PMS2: variants seen among roughly 807,000 people sequenced by gnomAD.
PMS2 encodes PMS1 homolog 2, mismatch repair system component.
In PMS2, 69 loss-of-function variants were observed where a neutral mutation model predicts 90.0. The ratio of observed to expected loss-of-function variants is 0.77; its 90% CI spans 0.63 to 0.94. The LOEUF (loss-of-function observed/expected upper bound fraction) is 0.94. PMS2 is among the 40% of genes least tolerant of loss of function. The pLI, the probability that PMS2 is intolerant of heterozygous loss-of-function variation, is 0.00. For missense variants in PMS2, 966 were observed against 1,040.2 expected, an observed-to-expected ratio of 0.93 and a Z score of 0.98; for synonymous variants, 332 against 375.1, an observed-to-expected ratio of 0.89 and a Z score of 1.33.
intron 8 of PMS2, 120 bp downstream of exon 8, chr7:5,995,414 T>C (rs1160013701): frequency 1.1e-5 from 8 of 714,464 alleles, no homozygotes; most frequent in Admixed American, 8.3e-5. Flanking sequence ...AATAAGATAA[T>C]GTTAAAGCCA....
chr7:6,007,628 T>C lies in PMS2; in HGVS notation c.23+1369A>G, dbSNP rs970021339. Among the ~76,000 whole-genome samples the C allele has an allele frequency of 6.6e-6, 1 of 152,128 alleles. No homozygotes were observed. The highest frequency in any genetic ancestry group is 2.4e-5 in the African/African-American group (1 of 41,438). ...GTTAAGAGAAGGCAGGAAACCTCCATGAAAGAGAAATCACTGGGTATTTCC... is the reference window on the plus strand; with the variant it reads ...GTTAAGAGAAGGCAGGAAACCTCCACGAAAGAGAAATCACTGGGTATTTCC... On this transcript the variant is annotated intron_variant, in intron 1 of 14. Coordinates refer to ENST00000265849, the MANE Select transcript of PMS2 (RefSeq NM_000535.7).
At chr7:5,997,568 A>G in intron 6 of PMS2, 145 bp from the exon 7 acceptor site, 2 of 646,076 alleles carry the variant, frequency 3.1e-6, no homozygotes, top group Non-Finnish European at 5.5e-6. Flanking sequence ...TTTTTGAGAC[A>G]GGGTCTCCCT....
chr7:6,006,517 G>C (rs1785787284), intron 1 of PMS2, among the ~76,000 whole-genome samples: 2 of 152,054 alleles, frequency 1.3e-5, no homozygotes, highest in Non-Finnish European at 2.9e-5. Flanking sequence ...GCCAGGCATG[G>C]TGGTGGGCAC....
At chr7:5,986,152 C>T (rs1230005857) in intron 11 of PMS2, among the ~76,000 whole-genome samples, 1 of 146,114 alleles carries the variant, frequency 6.8e-6, no homozygotes, top group Non-Finnish European at 1.5e-5. Flanking sequence ...AGACCCAAGT[C>T]TTCCATGTGT....
At chr7:5,988,111 C>A (rs1288843098) in intron 10 of PMS2, among the ~76,000 whole-genome samples, 1 of 146,870 alleles carries the variant, frequency 6.8e-6, no homozygotes, top group Non-Finnish European at 1.5e-5. Flanking sequence ...CATATACTCA[C>A]CAGAATGGTA....
Position 6,002,485 on chromosome 7 carries a change from G to A in PMS2, c.505C>T (p.Arg169Cys), listed in dbSNP as rs730881916. 7 of 1,611,148 alleles carry A rather than the reference G, an allele frequency of 4.3e-6. No individual in the cohort carries two copies. Among genetic ancestry groups the A allele is most frequent in the Admixed American group, 1.7e-5 (1 of 60,002 alleles). The stretch of plus-strand genomic sequence containing the variant: ...ATATTCCTTTGAAATTCCTTATGGC[G>A]CACAGGTAGTGTGGAAAATAACTGC... The part of the protein sequence containing the change: ...VQQLFSTLPV[R>C]HKEFQRNIKK... Residue 169 changes from arginine (R) to cysteine (C), a missense_variant, in exon 5 of 15, where the codon CGC becomes TGC. Physicochemically the swap from Arg to Cys is radical, Grantham distance 180. This residue lies in a region of PMS2 where 871 missense variants were observed against 802.4 expected (regional missense o/e 1.09). Coordinates refer to ENST00000265849, the MANE Select transcript of PMS2 (RefSeq NM_000535.7).
intron 5 of PMS2, among the ~76,000 whole-genome samples, chr7:5,999,619 T>C (rs1784873537): frequency 6.6e-6 from 1 of 150,676 alleles, no homozygotes; most frequent in African/African-American, 2.4e-5. Context: ...AGCAAGACCC[T>C]GTCTCTACAA....
intron 2 of PMS2, among the ~76,000 whole-genome samples, chr7:6,004,795 A>T (rs1785527155): frequency 6.6e-6 from 1 of 152,176 alleles, no homozygotes; most frequent in Non-Finnish European, 1.5e-5. Context: ...ATCTCAAAAA[A>T]AGGAAATTTC....
chr7:5,978,836 G>C (rs1782009715), intron 12 of PMS2, 140 bp from the exon 13 acceptor site: 1 of 1,113,806 alleles, frequency 9.0e-7, no homozygotes, highest in Admixed American at 2.4e-5. Flanking sequence ...ACTCAGCTAA[G>C]TGTCACAAAA....
rs2128756503 is a variant in PMS2 at position 5,992,064 on chromosome 7, A to G, written c.904-7T>C. The G allele has an allele frequency of 6.9e-7, 1 of 1,454,258 alleles. No homozygotes were observed. Among genetic ancestry groups the G allele is most frequent in the Non-Finnish European group, 9.7e-7 (1 of 1,034,350 alleles). The allele number at this position is 1,454,258 out of a possible 1,614,324, so 90.1% of individuals were successfully genotyped here. A position where few individuals can be genotyped will look rare whatever the true frequency, so the allele number is the denominator to read the frequency against. Reference sequence around the variant, plus strand: ...CATTCACGAGTCTGCAGACCTGCACAAAATACAAGGAGTAGAAAAGAATAA... The same window carrying G: ...CATTCACGAGTCTGCAGACCTGCACGAAATACAAGGAGTAGAAAAGAATAA... On this transcript the variant is annotated splice_polypyrimidine_tract_variant and splice_region_variant and intron_variant, in intron 8 of 14. Coordinates refer to ENST00000265849, the MANE Select transcript of PMS2 (RefSeq NM_000535.7).
In PMS2 at chr7:5,987,171, G is replaced by C. The variant is rs1783037687; in HGVS notation, c.1594C>G (p.His532Asp). ...SSPGDRGSQE[H>D]VDSQEKAPKT... ...GGCGCTTTCTCCTGAGAGTCCACAT[G>C]TTCCTGCGAGCCCCTGTCCCCTGGG... is the stretch of plus-strand genomic sequence containing the variant. The change falls in exon 11 of 15, where the codon CAT (histidine) becomes GAT (aspartate). Residue 532 changes from histidine (H) to aspartate (D), a missense_variant. His to Asp is a moderately conservative substitution (Grantham distance 81, BLOSUM62 -1). Around this residue, in one of 2 missense-constraint regions of PMS2, gnomAD observed 871 missense variants for 802.4 expected, o/e 1.09. Coordinates refer to ENST00000265849, the MANE Select transcript of PMS2 (RefSeq NM_000535.7). 1 of 1,613,902 alleles carries C rather than the reference G, an allele frequency of 6.2e-7. No homozygotes were observed. Among genetic ancestry groups the C allele is most frequent in the Non-Finnish European group, 8.5e-7 (1 of 1,179,916 alleles).
At chr7:6,005,596 C>G (rs758914698) in intron 2 of PMS2, among the ~76,000 whole-genome samples, 5 of 152,184 alleles carry the variant, frequency 3.3e-5, no homozygotes, top group African/African-American at 1.2e-4. Context: ...CTCGGCCTCT[C>G]AAAGGGCTAG....
rs10543125 is a variant in PMS2, at chr7:5,988,052, CAAAAA to C, written c.1145-437_1145-433del. On this transcript the variant is annotated intron_variant, in intron 10 of 14. Coordinates refer to ENST00000265849, the MANE Select transcript of PMS2 (RefSeq NM_000535.7). ...TGGGTGACAGAGCAACACTCTGTCT[CAAAAA>C]AAAAAAAAAAAAAAAAAAAAACCAC... Among the ~76,000 whole-genome samples, 130 of 41,118 alleles carry C rather than the reference CAAAAA, an allele frequency of 3.2e-3. 1 individual carries two copies. Among genetic ancestry groups the C allele is most frequent in the Admixed American group, 7.4e-4 (2 of 2,720 alleles). 27.0% of individuals were successfully genotyped at this position (41,118 alleles called of 152,430 possible).
chr7:6,007,995 G>A (rs955516253), intron 1 of PMS2, among the ~76,000 whole-genome samples: 1 of 151,834 alleles, frequency 6.6e-6, no homozygotes, highest in African/African-American at 2.4e-5. Context: ...AAGTAGCTAG[G>A]ATTACAGGCT....
intron 5 of PMS2, 26 bp from the exon 6 acceptor site, chr7:5,999,301 T>C (rs549598245): frequency 1.9e-6 from 3 of 1,595,268 alleles, no homozygotes; most frequent in East Asian, 4.5e-5. Context: ...AAACACAATA[T>C]TCTACATTAC....
intron 4 of PMS2, among the ~76,000 whole-genome samples, chr7:6,003,098 A>T (rs1785286438): frequency 6.6e-6 from 1 of 152,066 alleles, no homozygotes; most frequent in South Asian, 2.1e-4. Flanking sequence ...GTTTGAGACC[A>T]GCCTAGGCAA....
chr7:5,992,402 C>T (rs1583347537), intron 8 of PMS2, among the ~76,000 whole-genome samples: 1 of 151,880 alleles, frequency 6.6e-6, no homozygotes, highest in Non-Finnish European at 1.5e-5. Flanking sequence ...TCACTGCAAC[C>T]TCTGCCTCCG....
In PMS2 at chr7:5,987,054, G is replaced by C. The variant is rs63750055; in HGVS notation, c.1711C>G (p.Leu571Val). 1 of 1,614,158 alleles carries C rather than the reference G, an allele frequency of 6.2e-7. No homozygotes were observed. Among genetic ancestry groups the C allele is most frequent in the East Asian group, 2.2e-5 (1 of 44,882 alleles). Reference sequence around the variant, plus strand: ...AAACGCTTTGTGTTTGGGGTTGCGAGATTAGTTGGCTGAGGCAAAACTCGA... The same window carrying C: ...AAACGCTTTGTGTTTGGGGTTGCGACATTAGTTGGCTGAGGCAAAACTCGA... ...KFRVLPQPTNLATPNTKRFKK... is the reference protein window; with the variant it reads ...KFRVLPQPTNVATPNTKRFKK... The change falls in exon 11 of 15, where the codon CTC becomes GTC. Residue 571 changes from leucine to valine, a missense_variant. Leu to Val is a conservative substitution (Grantham distance 32). Coordinates refer to ENST00000265849, the MANE Select transcript of PMS2 (RefSeq NM_000535.7).
rs777845808 is a variant in PMS2, at chr7:6,006,009, T to C, written c.46A>G (p.Lys16Glu). The stretch of plus-strand genomic sequence containing the variant: ...TGGACTGACTTCCGATCAATAGGTT[T>C]GATGGCCTTAGCAGGTTCTGTACTA... ...SSSTEPAKAI[K>E]PIDRKSVHQI... The change falls in exon 2 of 15, where the codon AAA (lysine) becomes GAA (glutamate). Residue 16 changes from lysine to glutamate, a missense_variant. By Grantham distance (56) the Lys-to-Glu change is moderately conservative. Coordinates refer to ENST00000265849, the MANE Select transcript of PMS2 (RefSeq NM_000535.7). 4 of 1,610,658 alleles carry C rather than the reference T, an allele frequency of 2.5e-6. No individual in the cohort carries two copies. The East Asian group carries it at 8.9e-5, about 36-fold the overall frequency.
Sources: allele counts gnomAD v4.1 joint callset (sites outside exome capture counted in the v4.1 genomes callset), GRCh38; gene constraint gnomAD v4.1.1; regional missense constraint gnomAD v4.1.1; transcripts MANE v1.5; gene names NCBI Gene and HGNC (gene_info 2026-07-23, HGNC 2026-07-21).